MCTP1: variants seen among roughly 807,000 people sequenced by gnomAD.
MCTP1 encodes the protein multiple C2 and transmembrane domain containing 1, also known as multiple C2 and transmembrane domain-containing protein 1.
A neutral mutation model predicts 120.6 loss-of-function variants in MCTP1; 69 were observed. That is an observed-to-expected ratio of 0.57 (90% confidence interval 0.47 to 0.70). MCTP1 has a LOEUF of 0.70. Among genes scored for constraint, MCTP1 ranks in the 30% least tolerant of loss-of-function variants. The pLI, the probability that MCTP1 is intolerant of heterozygous loss-of-function variation, is 0.00. For missense variants in MCTP1, 1,203 were observed against 1,248.8 expected (o/e 0.96, Z 0.55); for synonymous variants, 529 against 493.1 (o/e 1.07, Z -0.96).
At chr5:95,065,322 C>T (rs1248403245) in intron 1 of MCTP1, among the ~76,000 whole-genome samples, 1 of 151,488 alleles carries the variant, frequency 6.6e-6, no homozygotes, top group Non-Finnish European at 1.5e-5. Context: ...GAAAAAAAAA[C>T]TGGCAAATCT....
chr5:95,268,641 C>T (rs1418433064), intron 1 of MCTP1, among the ~76,000 whole-genome samples: 1 of 152,196 alleles, frequency 6.6e-6, no homozygotes, highest in Non-Finnish European at 1.5e-5. Flanking sequence ...AAATAGCTTA[C>T]TCATGTGGTC....
intron 1 of MCTP1, among the ~76,000 whole-genome samples, chr5:95,055,557 C>A (rs757850013): frequency 6.6e-6 from 1 of 152,170 alleles, no homozygotes; most frequent in Non-Finnish European, 1.5e-5. Flanking sequence ...TCCAAGCCCA[C>A]GTAATTAGTA....
At chr5:95,081,611 A>C (rs1035445455) in intron 1 of MCTP1, 7 of 1,400,768 alleles carry the variant, frequency 5.0e-6, no homozygotes, top group Non-Finnish European at 5.6e-6. Flanking sequence ...CCCTGCACGG[A>C]GCACTTGCTG....
At chr5:94,811,370 T>C (rs1181915969) in intron 17 of MCTP1, among the ~76,000 whole-genome samples, 1 of 152,162 alleles carries the variant, frequency 6.6e-6, no homozygotes, top group Non-Finnish European at 1.5e-5. Context: ...GGGCTTGTGT[T>C]TCAATGGTAA....
chr5:94,893,298 G>A (rs1803121554), intron 11 of MCTP1, among the ~76,000 whole-genome samples: 1 of 152,098 alleles, frequency 6.6e-6, no homozygotes, highest in African/African-American at 2.4e-5. Context: ...ATCAACTATA[G>A]TATAATGCCT....
Position 95,210,804 on chromosome 5 carries a change from G to A in MCTP1, c.720+73052C>T, listed in dbSNP as rs545572471. Among the ~76,000 whole-genome samples, 344 of 152,056 alleles carry A rather than the reference G, an allele frequency of 2.3e-3. 7 individuals carry two copies. The highest frequency in any genetic ancestry group is 0.019 in the Admixed American group (289 of 15,252). Reference sequence around the variant, plus strand: ...CTACATTTTGGCATGATTTTGCAGCGGCTGGTACCGGTTGTTCCTTTCCAT... The same window carrying A: ...CTACATTTTGGCATGATTTTGCAGCAGCTGGTACCGGTTGTTCCTTTCCAT... On this transcript the variant is annotated intron_variant, in intron 1 of 22. Transcript: ENST00000515393.
chr5:95,277,748 G>A (rs1006146718), intron 1 of MCTP1, among the ~76,000 whole-genome samples: 1 of 152,148 alleles, frequency 6.6e-6, no homozygotes, highest in East Asian at 1.9e-4. Flanking sequence ...AGGATACAAA[G>A]ATCCTAAGAT....
chr5:95,270,878 C>T (rs1419610060), intron 1 of MCTP1, among the ~76,000 whole-genome samples: 3 of 150,180 alleles, frequency 2.0e-5, no homozygotes, highest in Non-Finnish European at 4.4e-5. Flanking sequence ...TGCAGTGAGC[C>T]GAGATTGTGC....
intron 2 of MCTP1, among the ~76,000 whole-genome samples, chr5:95,012,087 A>G (rs1212980866): frequency 6.6e-6 from 1 of 152,096 alleles, no homozygotes; most frequent in Non-Finnish European, 1.5e-5. Context: ...TACCTTTGTT[A>G]CTGCTTCCAG....
chr5:95,198,709 G>A (rs1181884634), intron 1 of MCTP1, among the ~76,000 whole-genome samples: 3 of 152,138 alleles, frequency 2.0e-5, no homozygotes, highest in African/African-American at 7.2e-5. Context: ...GGGTCTCCAA[G>A]CATGGCTGAG....
At chr5:94,867,501 A>AT in intron 17 of MCTP1, 1 of 666,898 alleles carries the variant, frequency 1.5e-6, no homozygotes, top group South Asian at 1.7e-5. Flanking sequence ...CCCCATAATA[A>AT]AGTCGTATTC....
chr5:94,886,874 T>C (rs1345888554), intron 12 of MCTP1, among the ~76,000 whole-genome samples: 7 of 151,714 alleles, frequency 4.6e-5, no homozygotes, highest in African/African-American at 7.2e-5. Flanking sequence ...CATGTGTGCG[T>C]GTGTGTGTGT....
intron 1 of MCTP1, among the ~76,000 whole-genome samples, chr5:95,033,265 A>C (rs1840624194): frequency 6.6e-6 from 1 of 152,120 alleles, no homozygotes; most frequent in Non-Finnish European, 1.5e-5. Context: ...TGACAGGGAC[A>C]CAACAACAAC....
At chr5:94,844,109 C>T (rs921847603) in intron 17 of MCTP1, among the ~76,000 whole-genome samples, 1 of 151,846 alleles carries the variant, frequency 6.6e-6, no homozygotes, top group African/African-American at 2.4e-5. Context: ...TCTTGACCAG[C>T]CTGACTAACA....
At chr5:95,275,342 C>T (rs1404033158) in intron 1 of MCTP1, among the ~76,000 whole-genome samples, 1 of 152,216 alleles carries the variant, frequency 6.6e-6, no homozygotes, top group East Asian at 1.9e-4. Context: ...GCTCTGGCAA[C>T]ACGGTTTCTT....
intron 1 of MCTP1, among the ~76,000 whole-genome samples, chr5:95,209,748 G>A (rs920425144): frequency 1.3e-5 from 2 of 152,118 alleles, no homozygotes; most frequent in African/African-American, 4.8e-5. Flanking sequence ...TCAAGGTTTT[G>A]TCTGAACATT....
intron 16 of MCTP1, 86 bp downstream of exon 16, chr5:94,870,331 C>G: frequency 1.1e-6 from 1 of 900,202 alleles, no homozygotes; most frequent in Non-Finnish European, 1.8e-6. Context: ...CCCCTCCATA[C>G]CTTTAAAGTT....
chr5:94,765,212 C>G (rs1772308503), intron 19 of MCTP1, among the ~76,000 whole-genome samples: 1 of 151,722 alleles, frequency 6.6e-6, no homozygotes, highest in Non-Finnish European at 1.5e-5. Flanking sequence ...AATAGAAACA[C>G]AACATGCCAA....
At chr5:95,257,717 A>C (rs1243060489) in intron 1 of MCTP1, among the ~76,000 whole-genome samples, 1 of 151,864 alleles carries the variant, frequency 6.6e-6, no homozygotes, top group Admixed American at 6.6e-5. Context: ...TATTTCTAAG[A>C]CTAGAGCAGG....
Sources: allele counts gnomAD v4.1 joint callset (sites outside exome capture counted in the v4.1 genomes callset), GRCh38; gene constraint gnomAD v4.1.1; transcripts MANE v1.5; gene names NCBI Gene and HGNC (gene_info 2026-07-23, HGNC 2026-07-21).